The following TRDN variants were observed in gnomAD, a reference collection of about 807,000 sequenced individuals.
The protein encoded by TRDN is triadin, also known as triadin in skeletal muscle.
A neutral mutation model predicts 149.7 loss-of-function variants in TRDN; 161 were observed. The ratio of observed to expected loss-of-function variants is 1.08; its 90% confidence interval spans 0.95 to 1.23. The LOEUF (loss-of-function observed/expected upper bound fraction) is 1.23, where lower values mean the gene tolerates loss of function less well. Ranked by LOEUF, TRDN falls within the 50% of genes most tolerant of loss-of-function variation. The pLI, the probability that TRDN is intolerant of heterozygous loss-of-function variation, is 0.00. For missense variants in TRDN, 896 were observed against 823.5 expected (o/e 1.09, Z -1.08); for synonymous variants, 294 against 250.5 (o/e 1.17, Z -1.64).
At chr6:123,419,972 GT>G (rs1264587705) in intron 12 of TRDN, among the ~76,000 whole-genome samples, 2 of 152,140 alleles carry the variant, frequency 1.3e-5, no homozygotes, top group Non-Finnish European at 2.9e-5. Context: ...ATTTTCATCA[GT>G]TTTTCGTCAG....
intron 24 of TRDN, among the ~76,000 whole-genome samples, chr6:123,287,887 A>G (rs1025878762): frequency 2.0e-5 from 3 of 152,048 alleles, no homozygotes; most frequent in African/African-American, 7.2e-5. Context: ...ATAAGAGTAG[A>G]CACACACACC....
intron 24 of TRDN, among the ~76,000 whole-genome samples, chr6:123,307,384 C>T (rs192820173): frequency 4.6e-5 from 7 of 152,034 alleles, no homozygotes; most frequent in Admixed American, 4.6e-4. Flanking sequence ...TTCCTTGCTC[C>T]TCCTCTTCAT....
intron 32 of TRDN, 26 bp downstream of exon 32, chr6:123,267,681 A>C (rs771653016): frequency 1.3e-6 from 2 of 1,508,010 alleles, no homozygotes; most frequent in East Asian, 4.8e-5. Context: ...CATAAGACAG[A>C]ATATAAACCA....
At chr6:123,409,751 A>G (rs1773357059) in intron 12 of TRDN, among the ~76,000 whole-genome samples, 1 of 152,000 alleles carries the variant, frequency 6.6e-6, no homozygotes, top group Non-Finnish European at 1.5e-5. Context: ...ACAAATACTC[A>G]GTATTGTATG....
At chr6:123,308,693 T>G (rs1778705347) in intron 24 of TRDN, among the ~76,000 whole-genome samples, 1 of 152,018 alleles carries the variant, frequency 6.6e-6, no homozygotes, top group South Asian at 2.1e-4. Flanking sequence ...TTAATCACCT[T>G]CATCTTCCCA....
intron 9 of TRDN, among the ~76,000 whole-genome samples, chr6:123,474,012 G>A (rs988678380): frequency 2.0e-5 from 3 of 151,888 alleles, no homozygotes; most frequent in East Asian, 1.9e-4. Context: ...AAAGACCATC[G>A]AGACTAGGAA....
chr6:123,358,863 G>C (rs1562277020), intron 20 of TRDN, among the ~76,000 whole-genome samples: 1 of 152,078 alleles, frequency 6.6e-6, no homozygotes, highest in Non-Finnish European at 1.5e-5. Context: ...GTGAGGAGTG[G>C]TAAGAAAATA....
intron 1 of TRDN, among the ~76,000 whole-genome samples, chr6:123,613,737 A>G (rs1784925678): frequency 6.6e-6 from 1 of 152,206 alleles, no homozygotes; most frequent in Non-Finnish European, 1.5e-5. Context: ...CCATCATAAA[A>G]GTATCATTGA....
intron 9 of TRDN, among the ~76,000 whole-genome samples, chr6:123,493,073 C>G (rs1198644128): frequency 6.6e-6 from 1 of 152,156 alleles, no homozygotes; most frequent in Non-Finnish European, 1.5e-5. Context: ...GAAAGTATCT[C>G]TGGAGAGGGG....
chr6:123,295,359 C>T (rs960260441), intron 24 of TRDN, among the ~76,000 whole-genome samples: 1 of 152,184 alleles, frequency 6.6e-6, no homozygotes, highest in Non-Finnish European at 1.5e-5. Flanking sequence ...AGTCACAGAG[C>T]TTAACATCCC....
intron 4 of TRDN, among the ~76,000 whole-genome samples, chr6:123,536,632 C>G (rs1780547893): frequency 6.6e-6 from 1 of 151,244 alleles, no homozygotes; most frequent in Admixed American, 6.6e-5. Context: ...GGGCAGATTG[C>G]TTGAATCCAG....
intron 24 of TRDN, among the ~76,000 whole-genome samples, chr6:123,281,975 T>C (rs1777599202): frequency 6.6e-6 from 1 of 151,986 alleles, no homozygotes; most frequent in Admixed American, 6.6e-5. Flanking sequence ...AATAGAGTTT[T>C]TGCAGTTATA....
At chr6:123,301,777 A>ATG (rs1778434616) in intron 24 of TRDN, among the ~76,000 whole-genome samples, 2 of 135,056 alleles carry the variant, frequency 1.5e-5, no homozygotes, top group African/African-American at 5.4e-5. Flanking sequence ...ATACATATAT[A>ATG]TATATATATA....
chr6:123,256,418 C>T (rs1284000136), intron 35 of TRDN, among the ~76,000 whole-genome samples: 1 of 152,140 alleles, frequency 6.6e-6, no homozygotes, highest in Non-Finnish European at 1.5e-5. Context: ...GCCACACTGT[C>T]TTCTGCAACA....
At chr6:123,595,316 T>G (rs1358418504) in intron 1 of TRDN, among the ~76,000 whole-genome samples, 1 of 152,122 alleles carries the variant, frequency 6.6e-6, no homozygotes, top group Non-Finnish European at 1.5e-5. Flanking sequence ...AGGATTTTAT[T>G]ATTTTTTATA....
chr6:123,490,970 G>A (rs1462455432), intron 9 of TRDN, among the ~76,000 whole-genome samples: 1 of 152,030 alleles, frequency 6.6e-6, no homozygotes, highest in African/African-American at 2.4e-5. Context: ...GATGGGCACG[G>A]TGGCGTGCAC....
At chr6:123,441,071 G>T (rs961674305) in intron 10 of TRDN, 18 of 152,030 alleles carry the variant, frequency 1.2e-4, no homozygotes, top group African/African-American at 3.9e-4. Flanking sequence ...CTTTATTCAT[G>T]CTGAATTTCA....
intron 12 of TRDN, among the ~76,000 whole-genome samples, chr6:123,409,724 T>G (rs1773355588): frequency 6.8e-6 from 1 of 146,194 alleles, no homozygotes; most frequent in African/African-American, 2.6e-5. Flanking sequence ...CACCCAAAAC[T>G]CAGAGTCTAG....
At chr6:123,440,501 T>C (rs571570521) in intron 10 of TRDN, among the ~76,000 whole-genome samples, 1 of 152,310 alleles carries the variant, frequency 6.6e-6, no homozygotes, top group Non-Finnish European at 1.5e-5. Context: ...TTTTACATCT[T>C]CTCTAAATAA....
Sources: gnomAD v4.1 joint callset for allele counts (sites outside exome capture counted in the v4.1 genomes callset) on GRCh38, gnomAD v4.1.1 for gene constraint, MANE v1.5 for transcripts, NCBI Gene and HGNC (gene_info 2026-07-23, HGNC 2026-07-21) for gene names.